The following OSTF1 variants were observed in gnomAD, a reference collection of about 807,000 sequenced individuals.
OSTF1 encodes the protein osteoclast-stimulating factor 1.
In OSTF1, 27 loss-of-function variants were observed where a neutral mutation model predicts 37.2. The observed-to-expected ratio is 0.73, with a 90% CI of 0.54 to 1.00. The LOEUF (loss-of-function observed/expected upper bound fraction) is 1.00, where lower values mean the gene tolerates loss of function less well. Ranked by LOEUF, OSTF1 falls within the 50% of genes least tolerant of loss-of-function variation. OSTF1 has a pLI of 0.00. For synonymous variants in OSTF1, 82 were observed against 89.2 expected (o/e 0.92, Z 0.46); for missense variants, 232 against 253.8 (o/e 0.91, Z 0.58).
At position 75,111,811 on chromosome 9, in the gene OSTF1, C is replaced by CTTTT. The variant is rs535464490; in HGVS notation, c.35-5666_35-5663dup. ...TGGTGATCTATTAAGATGTTTACTG[C>CTTTT]TTTTTTTTTTTTTTTTTTTTTTTTT... On this transcript the variant is annotated intron_variant, in intron 1 of 9. Coordinates refer to ENST00000346234, the MANE Select transcript of OSTF1 (RefSeq NM_012383.5). 4.1e-3 allele frequency among the ~76,000 whole-genome samples: 215 copies of CTTTT among 52,168 alleles called. 22 individuals are homozygous for CTTTT. Among genetic ancestry groups the CTTTT allele is most frequent in the Non-Finnish European group, 5.4e-3 (162 of 30,232 alleles). 34.2% of individuals were successfully genotyped at this position (52,168 alleles called of 152,430 possible).
chr9:75,145,834 G>A (rs4376558), intron 9 of OSTF1, among the ~76,000 whole-genome samples: 3 of 152,016 alleles, frequency 2.0e-5, no homozygotes, highest in Admixed American at 1.3e-4. Flanking sequence ...ACCCTTTCAC[G>A]TGATGCTGTC....
chr9:75,123,451 CAAAG>C (rs1825613756), intron 2 of OSTF1, among the ~76,000 whole-genome samples: 1 of 152,050 alleles, frequency 6.6e-6, no homozygotes, highest in Admixed American at 6.6e-5. Context: ...AAACAAAAAA[CAAAG>C]AAAAGCTGGA....
At chr9:75,115,024 C>T (rs1825457045) in intron 1 of OSTF1, among the ~76,000 whole-genome samples, 1 of 152,140 alleles carries the variant, frequency 6.6e-6, no homozygotes, top group Admixed American at 6.5e-5. Flanking sequence ...TACAATTGAT[C>T]CACAAAAGGT....
At chr9:75,105,967 C>G (rs1377245678) in intron 1 of OSTF1, among the ~76,000 whole-genome samples, 1 of 152,180 alleles carries the variant, frequency 6.6e-6, no homozygotes, top group Non-Finnish European at 1.5e-5. Flanking sequence ...GAAAGGCACA[C>G]TGTTAATAAA....
At chr9:75,095,552 T>C (rs1032968988) in intron 1 of OSTF1, among the ~76,000 whole-genome samples, 3 of 152,072 alleles carry the variant, frequency 2.0e-5, no homozygotes, top group African/African-American at 7.2e-5. Flanking sequence ...CAGGCAGAAA[T>C]GAAATAATGC....
chr9:75,139,455 G>T (rs889753203), intron 8 of OSTF1, among the ~76,000 whole-genome samples: 2 of 151,478 alleles, frequency 1.3e-5, no homozygotes, highest in Non-Finnish European at 2.9e-5. Flanking sequence ...CTTTGAGACT[G>T]TCTGGCTCTA....
At chr9:75,141,041 GTAA>G in intron 9 of OSTF1, 109 bp downstream of exon 9, 1 of 718,692 alleles carries the variant, frequency 1.4e-6, no homozygotes, top group Non-Finnish European at 2.3e-6. Context: ...GCTTATACCT[GTAA>G]TCCCAGCACT....
In OSTF1 at chr9:75,134,331, C is replaced by G; in HGVS notation, c.359-15C>G. On this transcript the variant is annotated splice_polypyrimidine_tract_variant and intron_variant, in intron 6 of 9. Coordinates refer to ENST00000346234, the MANE Select transcript of OSTF1 (RefSeq NM_012383.5). ...TTTTCGTTCTTAAAAGGTATCTTTT[C>G]TCTTTGAATTTCAGATATAGTGGAA... The G allele has an allele frequency of 6.9e-7, 1 of 1,455,816 alleles. No homozygotes were observed. The highest frequency in any genetic ancestry group is 1.2e-5 in the South Asian group (1 of 83,548). The allele number at this position is 1,455,816 out of a possible 1,614,324, so 90.2% of individuals were successfully genotyped here. A position where few individuals can be genotyped will look rare whatever the true frequency, so the allele number is the denominator to read the frequency against.
At position 75,103,955 on chromosome 9, in the gene OSTF1, G is replaced by T. The variant is rs115924862; in HGVS notation, c.35-13549G>T. Among the ~76,000 whole-genome samples, 582 of 152,288 alleles carry T rather than the reference G, an allele frequency of 3.8e-3. 5 individuals are homozygous for T. Among genetic ancestry groups the T allele is most frequent in the African/African-American group, 0.014 (565 of 41,562 alleles). Reference sequence around the variant, plus strand: ...TTAAAACAAGCATTATGGGCTGGGCGTTATGGCTCATGCCTGTAATCCCAC... The same window carrying T: ...TTAAAACAAGCATTATGGGCTGGGCTTTATGGCTCATGCCTGTAATCCCAC... On this transcript the variant is annotated intron_variant, in intron 1 of 9. Coordinates refer to ENST00000346234, the MANE Select transcript of OSTF1 (RefSeq NM_012383.5).
chr9:75,089,494 C>T (rs1824907111), intron 1 of OSTF1, among the ~76,000 whole-genome samples: 1 of 151,944 alleles, frequency 6.6e-6, no homozygotes, highest in African/African-American at 2.4e-5. Context: ...CTGTGATATG[C>T]AGAAATAAGA....
rs1176960459 is a variant in OSTF1, at chr9:75,117,620, C to G, written c.81+70C>G. 5.3e-6 allele frequency: 6 copies of G among 1,137,888 alleles called. No individual in the cohort carries two copies. The African/African-American group carries it at 6.2e-5, about 12-fold the overall frequency. The allele number at this position is 1,137,888 out of a possible 1,614,324, so 70.5% of individuals were successfully genotyped here. ...AGATGATTTTATTTAGACATTTCCT[C>G]TGGTGTGAATGGTCTGCCTTTTCTT... On this transcript the variant is annotated intron_variant, in intron 2 of 9. Transcript: ENST00000346234.
chr9:75,119,127 C>T (rs1825538655), intron 2 of OSTF1, among the ~76,000 whole-genome samples: 1 of 152,214 alleles, frequency 6.6e-6, no homozygotes, highest in African/African-American at 2.4e-5. Flanking sequence ...GCCTTCAAAT[C>T]CCAAATCTGT....
intron 2 of OSTF1, among the ~76,000 whole-genome samples, chr9:75,125,198 T>A (rs1267927693): frequency 1.3e-5 from 2 of 152,174 alleles, no homozygotes; most frequent in African/African-American, 4.8e-5. Context: ...AAGGCCAACC[T>A]TAATGTGGGC....
At chr9:75,131,668 C>T in intron 4 of OSTF1, 102 bp from the exon 5 acceptor site, 1 of 816,066 alleles carries the variant, frequency 1.2e-6, no homozygotes, top group South Asian at 1.4e-5. Flanking sequence ...GTTGAATGCC[C>T]TGGTACTCCT....
At chr9:75,139,620 G>A (rs536376532) in intron 8 of OSTF1, among the ~76,000 whole-genome samples, 1 of 152,244 alleles carries the variant, frequency 6.6e-6, no homozygotes, top group East Asian at 1.9e-4. Flanking sequence ...GTAGAGATGG[G>A]CCATGTTGGT....
At chr9:75,088,933 AAT>A (rs528357564) in intron 1 of OSTF1, among the ~76,000 whole-genome samples, 22 of 150,138 alleles carry the variant, frequency 1.5e-4, no homozygotes, top group Admixed American at 3.3e-4. Flanking sequence ...TTCGAGGATT[AAT>A]ATATATATAT....
At chr9:75,117,585 GA>G in intron 2 of OSTF1, 35 bp downstream of exon 2, 1 of 1,455,920 alleles carries the variant, frequency 6.9e-7, no homozygotes, top group Non-Finnish European at 9.6e-7. Flanking sequence ...AAAATTGACA[GA>G]AAAACCTAAG....
At chr9:75,135,337 G>A (rs762227701) in intron 7 of OSTF1, among the ~76,000 whole-genome samples, 1 of 152,102 alleles carries the variant, frequency 6.6e-6, no homozygotes, top group Non-Finnish European at 1.5e-5. Context: ...TGTATGATCT[G>A]CTTTTTCTCT....
intron 9 of OSTF1, among the ~76,000 whole-genome samples, chr9:75,144,701 A>T (rs868397905): frequency 1.3e-5 from 2 of 151,888 alleles, no homozygotes; most frequent in East Asian, 1.9e-4. Context: ...TTTTTTTTTT[A>T]AAAGAGCATT....
Sources: allele counts gnomAD v4.1 joint callset (sites outside exome capture counted in the v4.1 genomes callset), GRCh38; gene constraint gnomAD v4.1.1; transcripts MANE v1.5; gene names NCBI Gene and HGNC (gene_info 2026-07-23, HGNC 2026-07-21).